TARP: variants seen among roughly 807,000 people sequenced by gnomAD.
chr7:38,273,057 T>C, the TARP span, among the ~76,000 whole-genome samples: 5 of 151,290 alleles, frequency 3.3e-5, no homozygotes, highest in Admixed American at 6.6e-5. Flanking sequence ...AAATTACATC[T>C]TTAAACTTAA....
the TARP span, among the ~76,000 whole-genome samples, chr7:38,269,094 G>C: frequency 6.6e-6 from 1 of 151,798 alleles, no homozygotes; most frequent in African/African-American, 2.4e-5. Flanking sequence ...AGGTGGACCT[G>C]ACTCCAACAC....
the TARP span, among the ~76,000 whole-genome samples, chr7:38,264,629 A>G: frequency 1.3e-5 from 2 of 151,672 alleles, no homozygotes; most frequent in South Asian, 2.1e-4. Flanking sequence ...AATTTAGTGT[A>G]AAGGAAAACA....
At chr7:38,273,365 T>G in the TARP span, among the ~76,000 whole-genome samples, 1 of 151,146 alleles carries the variant, frequency 6.6e-6, no homozygotes, top group East Asian at 1.9e-4. Context: ...ACATAAGGCC[T>G]CCATCCTTTA....
chr7:38,265,161 C>T, the TARP span, among the ~76,000 whole-genome samples: 1 of 151,030 alleles, frequency 6.6e-6, no homozygotes, highest in African/African-American at 2.5e-5. Flanking sequence ...GTAACTTTTT[C>T]AATTTTGTTT....
chr7:38,262,643 T>G, the TARP span, among the ~76,000 whole-genome samples: 1 of 151,122 alleles, frequency 6.6e-6, no homozygotes, highest in Non-Finnish European at 1.5e-5. Context: ...AATTTTGTTT[T>G]GTTTGTTTGT....
At chr7:38,262,513 A>G in the TARP span, among the ~76,000 whole-genome samples, 2 of 151,808 alleles carry the variant, frequency 1.3e-5, no homozygotes, top group African/African-American at 2.4e-5. Flanking sequence ...AGCTCCTAGC[A>G]TAGTGACTGC....
chr7:38,266,121 A>G, the TARP span, among the ~76,000 whole-genome samples: 1 of 151,600 alleles, frequency 6.6e-6, no homozygotes, highest in African/African-American at 2.4e-5. Context: ...TGATCTCTCT[A>G]CAGATGAGAC....
the TARP span, chr7:38,259,916 G>A: frequency 6.5e-6 from 4 of 617,814 alleles, 1 homozygote; most frequent in Admixed American, 1.2e-4. Context: ...ACAGAGTGAG[G>A]TTCTCTGTGT....
At chr7:38,261,765 G>A in the TARP span, among the ~76,000 whole-genome samples, 19 of 149,992 alleles carry the variant, frequency 1.3e-4, no homozygotes, top group Non-Finnish European at 1.9e-4. Flanking sequence ...CCAGCTACTC[G>A]AGAAGCTGAG....
At chr7:38,263,782 G>A in the TARP span, among the ~76,000 whole-genome samples, 8,746 of 151,672 alleles carry the variant, frequency 0.058, 368 homozygotes, top group Non-Finnish European at 0.089. Flanking sequence ...ATTCTGGTGC[G>A]CAATTTTATG....
chr7:38,267,075 AT>A, the TARP span, among the ~76,000 whole-genome samples: 1 of 151,802 alleles, frequency 6.6e-6, no homozygotes, highest in Non-Finnish European at 1.5e-5. Context: ...TACCCCATTA[AT>A]GAGAAGGTCT....
chr7:38,268,703 G>T, the TARP span, among the ~76,000 whole-genome samples: 6 of 151,616 alleles, frequency 4.0e-5, no homozygotes, highest in East Asian at 1.2e-3. Context: ...TTTTTGCCAC[G>T]TGATTAAAAA....
the TARP span, among the ~76,000 whole-genome samples, chr7:38,266,213 G>A: frequency 1.3e-5 from 2 of 151,530 alleles, no homozygotes; most frequent in Non-Finnish European, 1.5e-5. Flanking sequence ...CTCATGTTCT[G>A]CAATTTCGTG....
At chr7:38,268,561 C>T in the TARP span, among the ~76,000 whole-genome samples, 1 of 150,908 alleles carries the variant, frequency 6.6e-6, no homozygotes, top group African/African-American at 2.4e-5. Flanking sequence ...GACATATGAA[C>T]AGAACCCTAA....
At chr7:38,260,821 C>G in the TARP span, among the ~76,000 whole-genome samples, 1 of 151,670 alleles carries the variant, frequency 6.6e-6, no homozygotes, top group Non-Finnish European at 1.5e-5. Context: ...ACTCCCTGCC[C>G]TTGGTCAAGT....
At chr7:38,270,551 C>A in the TARP span, among the ~76,000 whole-genome samples, 2 of 151,604 alleles carry the variant, frequency 1.3e-5, no homozygotes, top group Non-Finnish European at 2.9e-5. Context: ...ATTTGCCTTC[C>A]AAGTTTCACC....
chr7:38,269,436 A>C, the TARP span: 325 of 716,750 alleles, frequency 4.5e-4, no homozygotes, highest in Non-Finnish European at 5.8e-4. Context: ...CCAGTTTAAT[A>C]ATTTCCTGCT....
At chr7:38,259,949 A>G in the TARP span, 7 of 813,546 alleles carry the variant, frequency 8.6e-6, no homozygotes, top group South Asian at 5.6e-5. Flanking sequence ...GAAAACCGTT[A>G]TACAATAATG....
chr7:38,265,081 C>G, the TARP span, among the ~76,000 whole-genome samples: 26 of 151,342 alleles, frequency 1.7e-4, no homozygotes, highest in East Asian at 4.4e-3. Flanking sequence ...TTTAATCCAT[C>G]TAACAACCCT....
Sources: allele counts gnomAD v4.1 joint callset (sites outside exome capture counted in the v4.1 genomes callset), GRCh38; gene constraint gnomAD v4.1.1; transcripts MANE v1.5.